The following ERI1 variants were observed in gnomAD, a reference collection of about 807,000 sequenced individuals.
ERI1 encodes the protein 3'-5' exoribonuclease 1.
A neutral mutation model predicts 39.7 loss-of-function variants in ERI1; 39 were observed. The observed-to-expected ratio is 0.98, with a 90% CI of 0.76 to 1.28. ERI1 has a LOEUF of 1.28. ERI1 is among the 50% of genes most tolerant of loss of function. The probability of loss-of-function intolerance (pLI) is 0.00; values close to 1 mark genes in which losing one functional copy is unlikely to be tolerated. For synonymous variants in ERI1, 204 were observed against 149.6 expected (o/e 1.36, Z -2.65); for missense variants, 581 against 416.9 (o/e 1.39, Z -3.43).
intron 3 of ERI1, among the ~76,000 whole-genome samples, chr8:9,069,319 T>G (rs957032575): frequency 6.6e-6 from 1 of 152,216 alleles, no homozygotes; most frequent in Non-Finnish European, 1.5e-5. Flanking sequence ...TAGGAAAAAT[T>G]TTTAAAAGCA....
At chr8:9,018,553 A>G (rs1817546628) in intron 5 of ERI1, 147 bp downstream of exon 5, 4 of 531,506 alleles carry the variant, frequency 7.5e-6, no homozygotes, top group Middle Eastern at 5.1e-4. Context: ...CCTTTCACCT[A>G]AGGATGAAAG....
At chr8:9,038,735 T>A (rs973494524) in intron 3 of ERI1, among the ~76,000 whole-genome samples, 1 of 152,254 alleles carries the variant, frequency 6.6e-6, no homozygotes, top group Non-Finnish European at 1.5e-5. Flanking sequence ...CGTAAGGATG[T>A]GTGAAGTTTC....
chr8:9,017,511 C>G (rs561265889), intron 4 of ERI1, among the ~76,000 whole-genome samples: 1 of 152,210 alleles, frequency 6.6e-6, no homozygotes, highest in East Asian at 1.9e-4. Flanking sequence ...GTGCAGTGGT[C>G]ACAGTAGGCC....
rs546404346 is a variant in ERI1, at chr8:9,063,617, G to A, written n.299+43153G>A. ...ACTGAGGGGACAGGCGGGAGGGAAA[G>A]AAGGAAGATTTGGGATGAGTTGCAT... On this transcript the variant is annotated intron_variant and non_coding_transcript_variant, in intron 3 of 3. Coordinates refer to the ERI1 transcript ENST00000518663. 1.4e-4 allele frequency among the ~76,000 whole-genome samples: 21 copies of A among 152,296 alleles called. No homozygotes were observed. In the East Asian group the frequency reaches 4.1e-3, roughly 29 times the overall value.
chr8:9,052,976 A>G (rs1039196007), intron 3 of ERI1, among the ~76,000 whole-genome samples: 1 of 152,154 alleles, frequency 6.6e-6, no homozygotes, highest in African/African-American at 2.4e-5. Context: ...CTGGAGATTG[A>G]GTTCAATCAC....
At chr8:9,053,995 C>G (rs1484738270) in intron 3 of ERI1, among the ~76,000 whole-genome samples, 1 of 152,120 alleles carries the variant, frequency 6.6e-6, no homozygotes. Context: ...GGGGGGTAAA[C>G]AACACCCTGT....
intron 1 of ERI1, among the ~76,000 whole-genome samples, chr8:9,006,676 C>CT (rs897008471): frequency 6.6e-6 from 1 of 151,632 alleles, no homozygotes; most frequent in African/African-American, 2.4e-5. Context: ...ACTAGCAATA[C>CT]TTTTTTTTTC....
intron 3 of ERI1, among the ~76,000 whole-genome samples, chr8:9,092,780 C>G (rs1357616159): frequency 6.6e-6 from 1 of 152,162 alleles, no homozygotes; most frequent in Admixed American, 6.5e-5. Context: ...CCTAGGACTG[C>G]CATAACAAAG....
chr8:9,059,223 G>T (rs536326835), intron 3 of ERI1, among the ~76,000 whole-genome samples: 10 of 152,156 alleles, frequency 6.6e-5, no homozygotes, highest in African/African-American at 2.4e-4. Context: ...GTGGTGGAAT[G>T]TCATCAGTTA....
chr8:9,059,297 G>C (rs1798614609), intron 3 of ERI1, among the ~76,000 whole-genome samples: 1 of 152,094 alleles, frequency 6.6e-6, no homozygotes, highest in African/African-American at 2.4e-5. Flanking sequence ...GCTTAGCTTG[G>C]GCTCAGAGGC....
chr8:9,080,463 A>G (rs1799335234), intron 3 of ERI1, among the ~76,000 whole-genome samples: 1 of 152,212 alleles, frequency 6.6e-6, no homozygotes, highest in Non-Finnish European at 1.5e-5. Flanking sequence ...CAGAGACGTG[A>G]ACAGCACACA....
chr8:9,009,463 T>G (rs1235331261), intron 2 of ERI1, among the ~76,000 whole-genome samples: 3 of 152,254 alleles, frequency 2.0e-5, no homozygotes, highest in Non-Finnish European at 4.4e-5. Context: ...GTATGGTTTC[T>G]GCAACATGAT....
rs567529648 is a variant in ERI1, at chr8:9,096,153, G to C, written n.300-20195G>C. Among the ~76,000 whole-genome samples the C allele has an allele frequency of 2.0e-5, 3 of 152,360 alleles. No individual in the cohort carries two copies. In the South Asian group the frequency reaches 6.2e-4, roughly 32 times the overall value. On this transcript the variant is annotated intron_variant and non_coding_transcript_variant, in intron 3 of 3. Coordinates refer to the ERI1 transcript ENST00000518663. ...CAAACTCTCCATTGCATGGCATTCA[G>C]TGCAGAGCAAACACATTCTATTTGG...
At position 9,020,433 on chromosome 8, in the gene ERI1, A is replaced by G. The variant is rs369290666; in HGVS notation, c.776A>G (p.Asn259Ser). 5.0e-6 allele frequency: 8 copies of G among 1,606,486 alleles called. No homozygotes were observed. The highest frequency in any genetic ancestry group is 2.2e-5 in the East Asian group (1 of 44,516). Residue 259 changes from asparagine (N) to serine (S), a missense_variant, in exon 6 of 7, where the codon AAT becomes AGT. Physicochemically the swap from Asn to Ser is conservative, Grantham distance 46 (BLOSUM62 1). Coordinates refer to ENST00000250263, the MANE Select transcript of ERI1 (RefSeq NM_153332.4). The stretch of plus-strand genomic sequence containing the variant: ...CCTCCTTTTGCGAAAAAGTGGATCA[A>G]TATTCGGAAGTCATATGGAAATTTT... Reference protein sequence around the residue: ...KYPPFAKKWINIRKSYGNFYK... With the variant: ...KYPPFAKKWISIRKSYGNFYK...
chr8:9,065,404 G>A (rs955360453), intron 3 of ERI1, among the ~76,000 whole-genome samples: 1 of 152,130 alleles, frequency 6.6e-6, no homozygotes, highest in Non-Finnish European at 1.5e-5. Context: ...ATTAAAAATG[G>A]CTGACTGCCA....
At chr8:9,058,247 A>T (rs1055250027) in intron 3 of ERI1, among the ~76,000 whole-genome samples, 17 of 152,154 alleles carry the variant, frequency 1.1e-4, no homozygotes, top group Admixed American at 1.1e-3. Context: ...AGCTGATGGG[A>T]TTTCCTGATG....
intron 3 of ERI1, among the ~76,000 whole-genome samples, chr8:9,065,862 G>GTT (rs1303076239): frequency 6.6e-6 from 1 of 152,164 alleles, no homozygotes; most frequent in Non-Finnish European, 1.5e-5. Flanking sequence ...GCAAACTCAT[G>GTT]TTGTGGTTTT....
At chr8:9,079,366 C>T (rs1024947011) in intron 3 of ERI1, among the ~76,000 whole-genome samples, 2 of 152,078 alleles carry the variant, frequency 1.3e-5, no homozygotes, top group African/African-American at 2.4e-5. Flanking sequence ...AGCTATAGAC[C>T]GTTTTCATTT....
chr8:9,025,664 G>A (rs1452994466), intron 6 of ERI1, among the ~76,000 whole-genome samples: 1 of 151,426 alleles, frequency 6.6e-6, no homozygotes, highest in Non-Finnish European at 1.5e-5. Flanking sequence ...ACTCTTTTTT[G>A]GGCACTCTCT....
Sources: gnomAD v4.1 joint callset for allele counts (sites outside exome capture counted in the v4.1 genomes callset) on GRCh38, gnomAD v4.1.1 for gene constraint, MANE v1.5 for transcripts, NCBI Gene and HGNC (gene_info 2026-07-23, HGNC 2026-07-21) for gene names.